IFT74: variants seen among roughly 807,000 people sequenced by gnomAD.
IFT74 encodes intraflagellar transport 74, also known as intraflagellar transport protein 74 homolog.
Under a neutral mutation model 96.7 loss-of-function variants are expected in IFT74, and 92 were observed. That is an observed-to-expected ratio of 0.95 (90% CI 0.80 to 1.13). The LOEUF is 1.13. Among genes scored for constraint, IFT74 ranks in the 50% most tolerant of loss-of-function variants. The pLI, the probability that IFT74 is intolerant of heterozygous loss-of-function variation, is 0.00. For missense variants in IFT74, 811 were observed against 698.2 expected, an observed-to-expected ratio of 1.16 and a Z score of -1.82; for synonymous variants, 223 against 213.2, an observed-to-expected ratio of 1.05 and a Z score of -0.40.
intron 8 of IFT74, chr9:26,999,753 T>A: frequency 1.6e-6 from 2 of 1,252,414 alleles, no homozygotes; most frequent in Non-Finnish European, 2.2e-6. Flanking sequence ...TTTTTCCCTC[T>A]TTTGAATCTG....
chr9:26,990,219 T>G (rs373536430), intron 8 of IFT74, 24 bp downstream of exon 8: 8 of 1,229,218 alleles, frequency 6.5e-6, no homozygotes, highest in Non-Finnish European at 8.8e-6. Flanking sequence ...ATTTAAAAAT[T>G]AGATTCATAA....
In IFT74 at chr9:26,988,244, G is replaced by C. The variant is rs978900402; in HGVS notation, c.466-425G>C. ...TGGGATTACAGGCCTGAGCCACCGA[G>C]CCCGGCTTACTAGTGTAAATTTGTA... On this transcript the variant is annotated intron_variant, in intron 6 of 19. Coordinates refer to ENST00000380062, the MANE Select transcript of IFT74 (RefSeq NM_025103.4). Among the ~76,000 whole-genome samples, 4 of 152,130 alleles carry C rather than the reference G, an allele frequency of 2.6e-5. No homozygotes were observed. In the South Asian group the frequency reaches 6.2e-4, roughly 24 times the overall value.
At chr9:27,041,517 C>T (rs913074893) in intron 13 of IFT74, among the ~76,000 whole-genome samples, 1 of 152,052 alleles carries the variant, frequency 6.6e-6, no homozygotes, top group South Asian at 2.1e-4. Context: ...TCAAATGCTC[C>T]GAATTAAAGG....
At chr9:27,028,736 C>T in intron 12 of IFT74, 1 of 189,492 alleles carries the variant, frequency 5.3e-6, no homozygotes. Flanking sequence ...AGCCTGGTGG[C>T]AGAGCGAGAC....
chr9:27,018,392 T>C (rs1392735060), intron 11 of IFT74, among the ~76,000 whole-genome samples: 1 of 152,186 alleles, frequency 6.6e-6, no homozygotes, highest in African/African-American at 2.4e-5. Flanking sequence ...AGATGAGCTA[T>C]CCTCATGGTG....
At chr9:27,001,121 G>A (rs997401785) in intron 8 of IFT74, among the ~76,000 whole-genome samples, 7 of 151,974 alleles carry the variant, frequency 4.6e-5, no homozygotes, top group Admixed American at 2.6e-4. Context: ...TTTTGTTGCC[G>A]CAAATGACAG....
intron 2 of IFT74, among the ~76,000 whole-genome samples, chr9:26,969,032 T>C (rs1299942390): frequency 6.6e-6 from 1 of 152,176 alleles, no homozygotes; most frequent in African/African-American, 2.4e-5. Flanking sequence ...ACTTTTTTAA[T>C]GTAGGCACTT....
chr9:26,951,096 G>A (rs535297767), intron 1 of IFT74, among the ~76,000 whole-genome samples: 6 of 152,350 alleles, frequency 3.9e-5, no homozygotes, highest in African/African-American at 1.4e-4. Flanking sequence ...TTCTCTCAGA[G>A]AAAATGCATG....
chr9:26,975,736 A>G (rs1827086991), intron 2 of IFT74, among the ~76,000 whole-genome samples: 1 of 152,126 alleles, frequency 6.6e-6, no homozygotes, highest in Admixed American at 6.5e-5. Context: ...CTGAGGCTCA[A>G]TCCCTCATAT....
At chr9:27,007,305 T>C (rs933263157) in intron 8 of IFT74, among the ~76,000 whole-genome samples, 4 of 152,238 alleles carry the variant, frequency 2.6e-5, no homozygotes, top group African/African-American at 9.6e-5. Context: ...TGGAATACTT[T>C]ATAACATTAG....
At chr9:27,050,043 A>G (rs1177990543) in intron 16 of IFT74, among the ~76,000 whole-genome samples, 1 of 151,314 alleles carries the variant, frequency 6.6e-6, no homozygotes, top group Non-Finnish European at 1.5e-5. Flanking sequence ...AATTAGGACT[A>G]GCCTTATTTA....
At chr9:26,975,150 G>A (rs759806666) in intron 2 of IFT74, among the ~76,000 whole-genome samples, 1 of 152,130 alleles carries the variant, frequency 6.6e-6, no homozygotes, top group Non-Finnish European at 1.5e-5. Flanking sequence ...AGCTGCCTGA[G>A]GGGGAGGGTC....
chr9:27,016,951 T>A lies in IFT74; in HGVS notation c.834T>A (p.His278Gln). The change falls in exon 11 of 20, where the codon CAT becomes CAA. Residue 278 changes from histidine to glutamine, a missense_variant. Transcript: ENST00000380062. The stretch of plus-strand genomic sequence containing the variant: ...TGAAACAGGAGGCGGTATTGCTGCA[T>A]GAAAAACTTTATGAGTTGGAGTCCC... ...SQVKQEAVLL[H>Q]EKLYELESHR... 1 of 1,610,608 alleles carries A rather than the reference T, an allele frequency of 6.2e-7. No homozygotes were observed. The highest frequency in any genetic ancestry group is 8.5e-7 in the Non-Finnish European group (1 of 1,178,252).
At chr9:27,014,190 G>T (rs1829239874) in intron 10 of IFT74, among the ~76,000 whole-genome samples, 1 of 152,154 alleles carries the variant, frequency 6.6e-6, no homozygotes, top group Non-Finnish European at 1.5e-5. Context: ...ACTCCAGCCT[G>T]GGCGACGGAG....
At chr9:27,016,757 G>A in intron 10 of IFT74, 150 bp from the exon 11 acceptor site, 1 of 514,108 alleles carries the variant, frequency 1.9e-6, no homozygotes, top group South Asian at 4.1e-5. Context: ...AATGTGCTTT[G>A]TAGCATTATT....
At chr9:26,948,060 G>A (rs1220992560) in intron 1 of IFT74, among the ~76,000 whole-genome samples, 1 of 152,082 alleles carries the variant, frequency 6.6e-6, no homozygotes, top group Non-Finnish European at 1.5e-5. Context: ...AAATTGCTAA[G>A]CCCAATTCAC....
chr9:27,007,197 A>G (rs1048428925), intron 8 of IFT74, among the ~76,000 whole-genome samples: 1 of 152,182 alleles, frequency 6.6e-6, no homozygotes, highest in African/African-American at 2.4e-5. Context: ...TAACAGGAGC[A>G]AAGTACTCAA....
intron 9 of IFT74, among the ~76,000 whole-genome samples, chr9:27,010,258 G>A (rs1478753915): frequency 6.6e-6 from 1 of 151,980 alleles, no homozygotes; most frequent in Non-Finnish European, 1.5e-5. Flanking sequence ...CAAAGTGCTG[G>A]TATTACAGGC....
rs1288689916 is a variant in IFT74, at chr9:27,065,884, G to A, written c.*3148G>A. Reference sequence around the variant, plus strand: ...TGTGTCTCATTTTTGTATAACTTTTGAAATAAAAGTAGATTATGTCTTAAA... The same window carrying A: ...TGTGTCTCATTTTTGTATAACTTTTAAAATAAAAGTAGATTATGTCTTAAA... On this transcript the variant is annotated 3_prime_UTR_variant, in exon 20 of 20. Transcript: ENST00000380062. 2.0e-5 allele frequency among the ~76,000 whole-genome samples: 3 copies of A among 152,198 alleles called. 1 individual carries two copies. The Middle Eastern group carries it at 0.01, about 518-fold the overall frequency.
Sources: allele counts gnomAD v4.1 joint callset (sites outside exome capture counted in the v4.1 genomes callset), GRCh38; gene constraint gnomAD v4.1.1; transcripts MANE v1.5; gene names NCBI Gene and HGNC (gene_info 2026-07-23, HGNC 2026-07-21).